The following CLPX variants were observed in gnomAD, a reference collection of about 807,000 sequenced individuals.
The protein encoded by CLPX is ATP-dependent clpX-like chaperone, mitochondrial.
CLPX carries 34 observed loss-of-function variants against 76.4 expected under a neutral mutation model. That is an observed-to-expected ratio of 0.45 (90% CI 0.34 to 0.59). The LOEUF is 0.59. CLPX is among the 20% of genes least tolerant of loss of function. CLPX has a pLI of 0.01. For missense variants in CLPX, 613 were observed against 757.0 expected (o/e 0.81, Z 2.23); for synonymous variants, 248 against 270.9 (o/e 0.92, Z 0.83).
At chr15:65,169,176 G>A (rs1456591721) in intron 3 of CLPX, among the ~76,000 whole-genome samples, 3 of 151,690 alleles carry the variant, frequency 2.0e-5, no homozygotes, top group African/African-American at 7.3e-5. Context: ...GGCGCCTCTC[G>A]ATCTCCTGAC....
rs370382534 is a variant in CLPX, at chr15:65,175,451, G to A, written c.358+3483C>T. On this transcript the variant is annotated intron_variant, in intron 3 of 13. Transcript: ENST00000300107. ...GCAGAAGTTGCAGTGAGCCAAGATC[G>A]CGCCACTGCACTCCAGCCTGGGTGA... Among the ~76,000 whole-genome samples the A allele has an allele frequency of 3.7e-4, 56 of 152,248 alleles. 1 individual carries two copies. The highest frequency in any genetic ancestry group is 1.2e-3 in the African/African-American group (49 of 41,548).
At chr15:65,167,649 GT>G (rs2140632596) in intron 3 of CLPX, among the ~76,000 whole-genome samples, 1 of 151,266 alleles carries the variant, frequency 6.6e-6, no homozygotes, top group East Asian at 2.0e-4. Context: ...ACTGAGGCAG[GT>G]GGATCACCTG....
intron 11 of CLPX, 85 bp downstream of exon 11, chr15:65,154,697 T>C (rs2087764870): frequency 1.9e-6 from 2 of 1,025,840 alleles, no homozygotes; most frequent in African/African-American, 1.6e-5. Context: ...TGAGCAGAAT[T>C]TGTTTTTGTT....
chr15:65,172,687 C>T (rs1228044896), intron 3 of CLPX, among the ~76,000 whole-genome samples: 1 of 152,142 alleles, frequency 6.6e-6, no homozygotes, highest in African/African-American at 2.4e-5. Flanking sequence ...CCAAAGAAGA[C>T]AGACAAATGG....
chr15:65,183,454 C>CTT (rs1285400367), intron 1 of CLPX, among the ~76,000 whole-genome samples: 2 of 86,382 alleles, frequency 2.3e-5, no homozygotes, highest in East Asian at 8.1e-4. Flanking sequence ...GAGCGAGACT[C>CTT]TGTCTCAAAA....
intron 13 of CLPX, among the ~76,000 whole-genome samples, chr15:65,151,974 G>T (rs1174080118): frequency 8.5e-5 from 13 of 152,066 alleles, no homozygotes. Context: ...TTGTCGCCCA[G>T]GCTGGAGTGC....
rs571731444 is a variant in CLPX at position 65,155,936 on chromosome 15, G to A, written c.1147-80C>T. The A allele has an allele frequency of 5.7e-6, 7 of 1,236,048 alleles. No homozygotes were observed. In the Admixed American group the frequency reaches 8.6e-5, roughly 15 times the overall value. 76.6% of individuals were successfully genotyped at this position (1,236,048 alleles called of 1,614,324 possible). A position where few individuals can be genotyped will look rare whatever the true frequency, so the allele number is the denominator to read the frequency against. ...TACTTTAGACAATAGGATTAAATGG[G>A]GAAAACAATATGTGATTATAGTCAA... On this transcript the variant is annotated intron_variant, in intron 9 of 13. Coordinates refer to ENST00000300107, the MANE Select transcript of CLPX (RefSeq NM_006660.5).
chr15:65,158,860 G>A, intron 6 of CLPX, 109 bp from the exon 7 acceptor site: 1 of 905,054 alleles, frequency 1.1e-6, no homozygotes, highest in Non-Finnish European at 1.6e-6. Flanking sequence ...AAAAATTTAA[G>A]TATTTTGACA....
chr15:65,158,878 T>A lies in CLPX; in HGVS notation c.716-127A>T. 28 of 744,464 alleles carry A rather than the reference T, an allele frequency of 3.8e-5. 1 individual carries two copies. The South Asian group carries it at 6.4e-4, about 17-fold the overall frequency. The allele number at this position is 744,464 out of a possible 1,614,324, so 46.1% of individuals were successfully genotyped here. ...AATTTAAGTATTTTGACATTCTGTC[T>A]TACCTACAAAGGAGAAAAATCTCAA... On this transcript the variant is annotated intron_variant, in intron 6 of 13. Transcript: ENST00000300107.
chr15:65,179,948 A>G (rs1262903056), intron 2 of CLPX, 96 bp downstream of exon 2: 1 of 794,044 alleles, frequency 1.3e-6, no homozygotes, highest in Non-Finnish European at 1.8e-6. Context: ...TATTTCCTAC[A>G]GAAAACATAT....
chr15:65,156,713 G>A, intron 9 of CLPX, 131 bp downstream of exon 9: 1 of 536,596 alleles, frequency 1.9e-6, no homozygotes, highest in Non-Finnish European at 3.3e-6. Context: ...ACTTCAAAAT[G>A]ATATGTGGAG....
rs554638315 is a variant in CLPX, at chr15:65,183,045, C to T, written c.79+2030G>A. ...GGGCGTGGTGGCGCGCGCCTGTAACCCCAGCTTACTCAGGAGGCTGAGGCA... is the reference window on the plus strand; with the variant it reads ...GGGCGTGGTGGCGCGCGCCTGTAACTCCAGCTTACTCAGGAGGCTGAGGCA... On this transcript the variant is annotated intron_variant, in intron 1 of 13. Coordinates refer to ENST00000300107, the MANE Select transcript of CLPX (RefSeq NM_006660.5). Among the ~76,000 whole-genome samples the T allele has an allele frequency of 3.6e-4, 54 of 151,958 alleles. No individual in the cohort carries two copies. The South Asian group carries it at 0.011, about 31-fold the overall frequency.
At chr15:65,153,148 TA>T (rs749248397) in intron 12 of CLPX, among the ~76,000 whole-genome samples, 488 of 137,078 alleles carry the variant, frequency 3.6e-3, no homozygotes, top group Admixed American at 3.7e-3. Flanking sequence ...CTACTGTGAC[TA>T]AAAAAAAAAA....
intron 6 of CLPX, 28 bp from the exon 7 acceptor site, chr15:65,158,779 G>T: frequency 6.5e-7 from 1 of 1,529,138 alleles, no homozygotes; most frequent in South Asian, 1.3e-5. Flanking sequence ...GGAATTACTT[G>T]AGCTTCATTT....
chr15:65,174,542 C>T lies in CLPX; in HGVS notation c.358+4392G>A, dbSNP rs544980388. On this transcript the variant is annotated intron_variant, in intron 3 of 13. Transcript: ENST00000300107. ...CCTCCCAAAGTGCTGGGATTACAGGCATAAGCCACCATGCCGGGCCACAAC... is the reference window on the plus strand; with the variant it reads ...CCTCCCAAAGTGCTGGGATTACAGGTATAAGCCACCATGCCGGGCCACAAC... 3.3e-5 allele frequency among the ~76,000 whole-genome samples: 5 copies of T among 152,258 alleles called. No individual in the cohort carries two copies. The South Asian group carries it at 1.0e-3, about 32-fold the overall frequency.
At chr15:65,178,440 T>C (rs2088117750) in intron 3 of CLPX, among the ~76,000 whole-genome samples, 1 of 152,190 alleles carries the variant, frequency 6.6e-6, no homozygotes, top group Admixed American at 6.6e-5. Context: ...TTCTAGTATA[T>C]AGTGAACATA....
chr15:65,157,131 C>T (rs116858812), intron 8 of CLPX, among the ~76,000 whole-genome samples, 199 bp from the exon 9 acceptor site: 1 of 152,278 alleles, frequency 6.6e-6, no homozygotes, highest in Non-Finnish European at 1.5e-5. Flanking sequence ...ATCTGCTCTA[C>T]GGAGTAACAT....
At position 65,185,334 on chromosome 15, in the gene CLPX, C is replaced by A; in HGVS notation, c.-181G>T. 1 of 576,408 alleles carries A rather than the reference C, an allele frequency of 1.7e-6. No homozygotes were observed. Among genetic ancestry groups the A allele is most frequent in the Non-Finnish European group, 3.1e-6 (1 of 325,452 alleles). 35.7% of individuals were successfully genotyped at this position (576,408 alleles called of 1,614,324 possible). On this transcript the variant is annotated 5_prime_UTR_variant, in exon 1 of 14. Coordinates refer to ENST00000300107, the MANE Select transcript of CLPX (RefSeq NM_006660.5). Reference sequence around the variant, plus strand: ...CTTCTCTGCCCCACAGCCGTCTATTCACCAGAGTAGACACCCAACCCCCCC... The same window carrying A: ...CTTCTCTGCCCCACAGCCGTCTATTAACCAGAGTAGACACCCAACCCCCCC...
intron 5 of CLPX, 35 bp downstream of exon 5, chr15:65,163,994 C>T: frequency 1.9e-6 from 3 of 1,560,716 alleles, no homozygotes; most frequent in Non-Finnish European, 1.8e-6. Context: ...TTAAGCATAG[C>T]AATCTCTATT....
Sources: allele counts gnomAD v4.1 joint callset (sites outside exome capture counted in the v4.1 genomes callset), GRCh38; gene constraint gnomAD v4.1.1; transcripts MANE v1.5; gene names NCBI Gene and HGNC (gene_info 2026-07-23, HGNC 2026-07-21).